The following MGAT4C variants were observed in gnomAD, a reference collection of about 807,000 sequenced individuals.
MGAT4C encodes alpha-1,3-mannosyl-glycoprotein 4-beta-N-acetylglucosaminyltransferase C.
MGAT4C carries 19 observed loss-of-function variants against 40.1 expected under a neutral mutation model. The observed-to-expected ratio is 0.47, with a 90% CI of 0.33 to 0.70. The LOEUF (loss-of-function observed/expected upper bound fraction) is 0.70. Ranked by LOEUF, MGAT4C falls within the 30% of genes least tolerant of loss-of-function variation. MGAT4C has a pLI of 0.02. For missense variants in MGAT4C, 491 were observed against 563.2 expected, an observed-to-expected ratio of 0.87 and a Z score of 1.30; for synonymous variants, 181 against 187.1, an observed-to-expected ratio of 0.97 and a Z score of 0.27.
intron 2 of MGAT4C, among the ~76,000 whole-genome samples, chr12:86,554,441 C>A (rs1472346011): frequency 6.6e-6 from 1 of 152,068 alleles, no homozygotes; most frequent in African/African-American, 2.4e-5. Context: ...TTTTTGTCTA[C>A]CATATTGCCC....
chr12:86,704,032 C>A (rs1415547777), intron 2 of MGAT4C, among the ~76,000 whole-genome samples: 2 of 151,904 alleles, frequency 1.3e-5, no homozygotes, highest in Non-Finnish European at 2.9e-5. Context: ...GACAGTATGA[C>A]TTTTATAGCA....
chr12:86,188,403 C>T (rs1889011761), intron 1 of MGAT4C, among the ~76,000 whole-genome samples: 1 of 151,580 alleles, frequency 6.6e-6, no homozygotes, highest in Non-Finnish European at 1.5e-5. Flanking sequence ...ACATATGGGA[C>T]ATACATGCAA....
intron 1 of MGAT4C, among the ~76,000 whole-genome samples, chr12:86,823,457 G>C (rs1015021437): frequency 6.6e-6 from 1 of 150,622 alleles, no homozygotes; most frequent in African/African-American, 2.4e-5. Context: ...TAAATTTACG[G>C]AAAAAAAATT....
At chr12:86,501,402 G>A (rs141513701) in intron 2 of MGAT4C, among the ~76,000 whole-genome samples, 22 of 151,944 alleles carry the variant, frequency 1.4e-4, no homozygotes, top group South Asian at 4.1e-4. Context: ...AGTTAAACGC[G>A]TACCATGGTG....
intron 1 of MGAT4C, among the ~76,000 whole-genome samples, chr12:86,141,339 A>G (rs532652805): frequency 6.6e-6 from 1 of 152,200 alleles, no homozygotes; most frequent in Non-Finnish European, 1.5e-5. Flanking sequence ...AGTGAATTCA[A>G]TTTAAGTTGA....
intron 1 of MGAT4C, among the ~76,000 whole-genome samples, chr12:86,125,072 G>T (rs1253486483): frequency 6.6e-6 from 1 of 152,186 alleles, no homozygotes; most frequent in Non-Finnish European, 1.5e-5. Context: ...TATCAGGAAA[G>T]TTGGCCAGAT....
intron 1 of MGAT4C, among the ~76,000 whole-genome samples, chr12:86,138,060 T>A (rs1882225481): frequency 6.6e-6 from 1 of 152,160 alleles, no homozygotes; most frequent in African/African-American, 2.4e-5. Flanking sequence ...ACTTTTCTAA[T>A]AAATCACCAG....
At position 85,962,619 on chromosome 12, in the gene MGAT4C, A is replaced by G. The variant is rs1195173167; in HGVS notation, c.*16670T>C. 1 of 150,934 alleles carries G rather than the reference A, an allele frequency of 6.6e-6. No homozygotes were observed. The highest frequency in any genetic ancestry group is 2.4e-5 in the African/African-American group (1 of 41,318). The allele number at this position is 150,934 out of a possible 1,614,324, so 9.3% of individuals were successfully genotyped here. On this transcript the variant is annotated 3_prime_UTR_variant, in exon 5 of 5. Transcript: ENST00000611864. ...ATTAAATGATTGAATGAAGGAGTGA[A>G]GGATGTAGATTGTTTAAGTACATTC...
chr12:86,114,585 T>C (rs1321238878), intron 1 of MGAT4C, among the ~76,000 whole-genome samples: 1 of 151,918 alleles, frequency 6.6e-6, no homozygotes, highest in East Asian at 1.9e-4. Context: ...AGACAGTATG[T>C]TAAATGCTTC....
At chr12:86,760,770 C>T (rs1346866148) in intron 1 of MGAT4C, among the ~76,000 whole-genome samples, 2 of 152,032 alleles carry the variant, frequency 1.3e-5, no homozygotes, top group African/African-American at 4.8e-5. Flanking sequence ...ACTCTCAGCT[C>T]AGGGGAGAGA....
intron 1 of MGAT4C, among the ~76,000 whole-genome samples, chr12:86,130,882 T>C (rs555323954): frequency 6.6e-6 from 1 of 152,168 alleles, no homozygotes; most frequent in African/African-American, 2.4e-5. Flanking sequence ...CTAACCATTA[T>C]AATTATTTTT....
At chr12:86,401,002 A>C (rs1956347519) in intron 3 of MGAT4C, among the ~76,000 whole-genome samples, 1 of 152,120 alleles carries the variant, frequency 6.6e-6, no homozygotes, top group South Asian at 2.1e-4. Context: ...TGAATAAATT[A>C]GAAGGAGAGA....
intron 1 of MGAT4C, among the ~76,000 whole-genome samples, chr12:86,800,285 T>G (rs1952201749): frequency 6.6e-6 from 1 of 151,916 alleles, no homozygotes; most frequent in Non-Finnish European, 1.5e-5. Flanking sequence ...CAGGTTCCAC[T>G]GAGTGATTCT....
chr12:86,548,014 C>T (rs557867402), intron 2 of MGAT4C, among the ~76,000 whole-genome samples: 2 of 152,074 alleles, frequency 1.3e-5, no homozygotes, highest in African/African-American at 2.4e-5. Context: ...TTCCCACCTC[C>T]GGTAATTCTG....
intron 1 of MGAT4C, among the ~76,000 whole-genome samples, chr12:86,815,433 GT>G (rs1952582010): frequency 1.3e-5 from 2 of 151,744 alleles, no homozygotes; most frequent in Non-Finnish European, 2.9e-5. Flanking sequence ...GGAAAACAGT[GT>G]GGCGATTCCT....
At chr12:86,301,056 CT>C (rs1397300424) in intron 4 of MGAT4C, among the ~76,000 whole-genome samples, 5 of 152,086 alleles carry the variant, frequency 3.3e-5, no homozygotes, top group Admixed American at 3.3e-4. Flanking sequence ...GACATTAACT[CT>C]TTTTAATTCT....
intron 2 of MGAT4C, among the ~76,000 whole-genome samples, chr12:86,532,248 C>T (rs1239159702): frequency 2.0e-5 from 3 of 151,920 alleles, no homozygotes; most frequent in African/African-American, 4.8e-5. Context: ...TGGATTCATA[C>T]ATATAACACT....
At chr12:86,385,417 T>C (rs1956031972) in intron 3 of MGAT4C, among the ~76,000 whole-genome samples, 2 of 152,204 alleles carry the variant, frequency 1.3e-5, no homozygotes, top group African/African-American at 4.8e-5. Context: ...CAGGCTCTGT[T>C]CATGTCATGC....
chr12:86,471,070 T>C (rs1472105771), intron 2 of MGAT4C, among the ~76,000 whole-genome samples: 1 of 151,984 alleles, frequency 6.6e-6, no homozygotes, highest in African/African-American at 2.4e-5. Context: ...CAGGTGAAGG[T>C]AAACCAGAAA....
Sources: allele counts gnomAD v4.1 joint callset (sites outside exome capture counted in the v4.1 genomes callset), GRCh38; gene constraint gnomAD v4.1.1; transcripts MANE v1.5; gene names NCBI Gene and HGNC (gene_info 2026-07-23, HGNC 2026-07-21).